The following HDAC9 variants were observed in gnomAD, a reference collection of about 807,000 sequenced individuals.
The protein encoded by HDAC9 is histone deacetylase 9.
HDAC9 carries 41 observed loss-of-function variants against 139.4 expected under a neutral mutation model. The ratio of observed to expected loss-of-function variants is 0.29; its 90% CI spans 0.23 to 0.38. HDAC9 has a LOEUF of 0.38. Ranked by LOEUF, HDAC9 falls within the 10% of genes least tolerant of loss-of-function variation. The pLI is 1.00. For synonymous variants in HDAC9, 517 were observed against 476.2 expected (o/e 1.09, Z -1.12); for missense variants, 1,147 against 1,297.0 (o/e 0.88, Z 1.78).
intron 1 of HDAC9, among the ~76,000 whole-genome samples, chr7:18,303,801 A>C (rs116182281): frequency 5.7e-4 from 87 of 152,270 alleles, no homozygotes; most frequent in African/African-American, 2.0e-3. Flanking sequence ...GATGTTAGTT[A>C]GGCTCCATGT....
intron 12 of HDAC9, among the ~76,000 whole-genome samples, chr7:18,672,692 C>T (rs1795737117): frequency 6.6e-6 from 1 of 151,968 alleles, no homozygotes; most frequent in Non-Finnish European, 1.5e-5. Flanking sequence ...ATAAATTTAG[C>T]ACTTAACATT....
chr7:18,368,665 T>G (rs1784369240), intron 1 of HDAC9, among the ~76,000 whole-genome samples: 1 of 152,120 alleles, frequency 6.6e-6, no homozygotes, highest in African/African-American at 2.4e-5. Flanking sequence ...GGATTAACCC[T>G]TTCCATTATC....
At chr7:18,183,960 A>G (rs1485104376) in intron 2 of HDAC9, among the ~76,000 whole-genome samples, 1 of 152,248 alleles carries the variant, frequency 6.6e-6, no homozygotes, top group Non-Finnish European at 1.5e-5. Flanking sequence ...ATCCAGGAAA[A>G]TAAAACTATT....
At chr7:18,269,039 C>T (rs1238508938) in intron 2 of HDAC9, among the ~76,000 whole-genome samples, 1 of 152,112 alleles carries the variant, frequency 6.6e-6, no homozygotes, top group African/African-American at 2.4e-5. Flanking sequence ...TTTATAGTTA[C>T]TTAGATTTCC....
intron 12 of HDAC9, among the ~76,000 whole-genome samples, chr7:18,702,747 T>G (rs1041769824): frequency 6.6e-5 from 10 of 152,206 alleles, no homozygotes; most frequent in African/African-American, 2.4e-4. Context: ...ACAATTAGAA[T>G]TACCATTTCC....
chr7:18,383,842 T>C (rs1008858204), intron 1 of HDAC9, among the ~76,000 whole-genome samples: 21 of 151,196 alleles, frequency 1.4e-4, no homozygotes, highest in African/African-American at 5.1e-4. Flanking sequence ...TGAGCCGAGA[T>C]TGCACCACTG....
In HDAC9 at chr7:18,564,970, T is replaced by C. The variant is rs952505576; in HGVS notation, c.23-20311T>C. Among the ~76,000 whole-genome samples, 846 of 127,136 alleles carry C rather than the reference T, an allele frequency of 6.7e-3. 4 individuals are homozygous for C. The highest frequency in any genetic ancestry group is 0.023 in the South Asian group (97 of 4,282). The allele number at this position is 127,136 out of a possible 152,430, so 83.4% of individuals were successfully genotyped here. On this transcript the variant is annotated intron_variant, in intron 2 of 25. Transcript: ENST00000686413. Reference sequence around the variant, plus strand: ...ATCAAATAAATGTATTTTATTTATTTATTTATTTATTTATTTATTTATTTA... The same window carrying C: ...ATCAAATAAATGTATTTTATTTATTCATTTATTTATTTATTTATTTATTTA...
At chr7:18,505,143 C>G (rs1799414653) in intron 2 of HDAC9, among the ~76,000 whole-genome samples, 1 of 152,158 alleles carries the variant, frequency 6.6e-6, no homozygotes, top group Admixed American at 6.5e-5. Flanking sequence ...GTGCTCTTTT[C>G]CTTGGAGCAG....
chr7:18,402,236 A>G (rs1039973291), intron 1 of HDAC9, among the ~76,000 whole-genome samples: 4 of 152,208 alleles, frequency 2.6e-5, no homozygotes, highest in African/African-American at 9.6e-5. Flanking sequence ...AGATATATCA[A>G]TATAATATAA....
intron 25 of HDAC9, among the ~76,000 whole-genome samples, chr7:18,988,580 C>A (rs879637147): frequency 1.1e-4 from 16 of 151,998 alleles, no homozygotes; most frequent in Non-Finnish European, 7.4e-5. Context: ...CTATCAGGTC[C>A]GCTTGGTGCA....
chr7:18,955,650 G>A (rs1390431685), intron 24 of HDAC9, among the ~76,000 whole-genome samples: 30 of 152,228 alleles, frequency 2.0e-4, no homozygotes, highest in South Asian at 4.1e-4. Flanking sequence ...GCATCAAGGA[G>A]CTAACAGTCC....
At chr7:18,261,697 T>C (rs1795690964) in intron 2 of HDAC9, among the ~76,000 whole-genome samples, 1 of 152,242 alleles carries the variant, frequency 6.6e-6, no homozygotes, top group Non-Finnish European at 1.5e-5. Context: ...AGCATACTTT[T>C]TCCATTAACA....
intron 1 of HDAC9, among the ~76,000 whole-genome samples, chr7:18,387,624 A>G (rs1044002991): frequency 6.6e-6 from 1 of 152,266 alleles, no homozygotes. Flanking sequence ...TAGCCAAGCC[A>G]GTGGTATAGC....
chr7:18,185,724 C>G (rs1195496818), intron 2 of HDAC9, among the ~76,000 whole-genome samples: 1 of 152,090 alleles, frequency 6.6e-6, no homozygotes, highest in Non-Finnish European at 1.5e-5. Context: ...ATTGTTCCAA[C>G]TTATGAATTG....
In HDAC9 at chr7:18,969,715, G is replaced by A. The variant is rs1031299320; in HGVS notation, c.3023-6091G>A. Among the ~76,000 whole-genome samples the A allele has an allele frequency of 7.5e-5, 11 of 147,552 alleles. No homozygotes were observed. The South Asian group carries it at 1.5e-3, about 19-fold the overall frequency. On this transcript the variant is annotated intron_variant, in intron 24 of 25. Coordinates refer to ENST00000686413, the MANE Select transcript of HDAC9 (RefSeq NM_178425.4). ...CAGCATTTGATATTTTTAAAAGTCC[G>A]AACTTTGGATGGATTAATGGCATAT... is the stretch of plus-strand genomic sequence containing the variant.
chr7:18,173,919 G>A (rs1401990464), intron 2 of HDAC9, among the ~76,000 whole-genome samples: 4 of 152,126 alleles, frequency 2.6e-5, no homozygotes, highest in Non-Finnish European at 4.4e-5. Flanking sequence ...ACAATTATGT[G>A]TCTTGGGTTT....
intron 1 of HDAC9, among the ~76,000 whole-genome samples, chr7:18,469,764 G>A (rs1011606243): frequency 2.2e-4 from 34 of 152,242 alleles, no homozygotes; most frequent in African/African-American, 6.0e-4. Context: ...CTTCCTGCAT[G>A]TAGCTCAGCT....
chr7:18,300,875 A>G (rs1180601970), intron 1 of HDAC9, among the ~76,000 whole-genome samples: 1 of 152,184 alleles, frequency 6.6e-6, no homozygotes, highest in Non-Finnish European at 1.5e-5. Flanking sequence ...AAAGGTTATG[A>G]AATGGCAGTT....
At position 18,829,512 on chromosome 7, in the gene HDAC9, C is replaced by A. The variant is rs777726008; in HGVS notation, c.2430C>A (p.Asp810Glu). The change falls in exon 19 of 26, where the codon GAC becomes GAA. Residue 810 changes from aspartate to glutamate, a missense_variant. By Grantham distance (45) the Asp-to-Glu change is conservative. Around this residue, in one of 7 missense-constraint regions of HDAC9, gnomAD observed 407 missense variants for 521.5 expected, o/e 0.78. Coordinates refer to ENST00000686413, the MANE Select transcript of HDAC9 (RefSeq NM_178425.4). ...SVAITAKYLR[D>E]QLNISKILIV... is the part of the protein sequence containing the mutation. ...CAATTACCGCCAAATACTTGAGAGA[C>A]CAACTAAATATAAGCAAGATATTGA... The A allele has an allele frequency of 6.9e-5, 112 of 1,611,586 alleles. No homozygotes were observed. Among genetic ancestry groups the A allele is most frequent in the Non-Finnish European group, 8.7e-5 (103 of 1,177,982 alleles).
Sources: gnomAD v4.1 joint callset for allele counts (sites outside exome capture counted in the v4.1 genomes callset) on GRCh38, gnomAD v4.1.1 for gene constraint, gnomAD v4.1.1 regional missense constraint, MANE v1.5 for transcripts, NCBI Gene and HGNC (gene_info 2026-07-23, HGNC 2026-07-21) for gene names.